KCNG4: variants seen among roughly 807,000 people sequenced by gnomAD.
KCNG4 encodes the protein potassium voltage-gated channel modifier subfamily G member 4.
Under a neutral mutation model 28.2 loss-of-function variants are expected in KCNG4, and 30 were observed. The observed-to-expected ratio is 1.06, with a 90% CI of 0.80 to 1.44. The LOEUF is 1.44. Ranked by LOEUF, KCNG4 falls within the 40% of genes most tolerant of loss-of-function variation. KCNG4 has a pLI of 0.00. For missense variants in KCNG4, 879 were observed against 712.3 expected (o/e 1.23, Z -2.66); for synonymous variants, 375 against 315.5 (o/e 1.19, Z -2.00).
intron 2 of KCNG4, among the ~76,000 whole-genome samples, chr16:84,232,617 G>A (rs2151338990): frequency 6.6e-6 from 1 of 152,226 alleles, no homozygotes; most frequent in African/African-American, 2.4e-5. Context: ...TGAAGCAGGG[G>A]GCTGGGGTGC....
At chr16:84,223,379 T>A (rs1167455043) in intron 2 of KCNG4, among the ~76,000 whole-genome samples, 3 of 152,144 alleles carry the variant, frequency 2.0e-5, no homozygotes, top group Non-Finnish European at 4.4e-5. Context: ...AAGAGAGGAC[T>A]GGACCAGCGC....
At chr16:84,228,284 T>C (rs1281680422) in intron 2 of KCNG4, among the ~76,000 whole-genome samples, 1 of 152,170 alleles carries the variant, frequency 6.6e-6, no homozygotes, top group Non-Finnish European at 1.5e-5. Context: ...CAGCCCCACT[T>C]CAGAACGTGG....
Position 84,222,188 on chromosome 16 carries a change from G to T in KCNG4, c.*29C>A, listed in dbSNP as rs1226621623. On this transcript the variant is annotated 3_prime_UTR_variant, in exon 3 of 3. Coordinates refer to ENST00000308251, the MANE Select transcript of KCNG4 (RefSeq NM_172347.3). ...GTTTCAGGCAGGGTGATGGGTTGAG[G>T]TTACCATGTAGTCATGGGGGGTGCT... 6.8e-6 allele frequency: 11 copies of T among 1,607,368 alleles called. No homozygotes were observed. Among genetic ancestry groups the T allele is most frequent in the Non-Finnish European group, 7.7e-6 (9 of 1,175,246 alleles).
chr16:84,232,022 A>AT (rs1449758079), intron 2 of KCNG4, among the ~76,000 whole-genome samples: 9 of 151,352 alleles, frequency 5.9e-5, no homozygotes, highest in African/African-American at 2.2e-4. Context: ...AAAAAAAAAA[A>AT]AGAGTCAGGA....
intron 2 of KCNG4, among the ~76,000 whole-genome samples, chr16:84,224,670 G>A (rs1904657568): frequency 6.6e-6 from 1 of 152,230 alleles, no homozygotes; most frequent in Non-Finnish European, 1.5e-5. Context: ...GTCCAGGGCA[G>A]GGCACCTTTC....
rs199821293 is a variant in KCNG4 at position 84,222,420 on chromosome 16, T to C, written c.1357A>G (p.Ile453Val). 7.7e-5 allele frequency: 124 copies of C among 1,613,996 alleles called. 1 individual carries two copies. Among genetic ancestry groups the C allele is most frequent in the Non-Finnish European group, 1.0e-4 (119 of 1,180,018 alleles). The change falls in exon 3 of 3, where the codon ATC (isoleucine) becomes GTC (valine). Residue 453 changes from isoleucine to valine, a missense_variant. Transcript: ENST00000308251. ...TAGGAGTGGGAGAAGGTGTGGAAGA[T>C]AGACGTGGCCGGGAAGGCCATGATG... is the stretch of plus-strand genomic sequence containing the variant. ...ILIMAFPATS[I>V]FHTFSHSYLE...
At chr16:84,229,289 T>C (rs1904770702) in intron 2 of KCNG4, among the ~76,000 whole-genome samples, 1 of 143,668 alleles carries the variant, frequency 7.0e-6, no homozygotes, top group South Asian at 2.2e-4. Flanking sequence ...CAAGACCCTG[T>C]CTCAAAAAAA....
chr16:84,238,405 C>T (rs1029873693), intron 1 of KCNG4, among the ~76,000 whole-genome samples: 3 of 152,204 alleles, frequency 2.0e-5, no homozygotes, highest in African/African-American at 7.2e-5. Flanking sequence ...CTCGCTTAAT[C>T]CCTCTTGGTC....
intron 2 of KCNG4, chr16:84,236,200 C>G (rs1261969369): frequency 6.5e-6 from 1 of 154,992 alleles, no homozygotes; most frequent in Non-Finnish European, 1.4e-5. Flanking sequence ...CCTCAGTTTC[C>G]TCATCTGAAA....
chr16:84,234,339 AT>A (rs990118223), intron 2 of KCNG4, among the ~76,000 whole-genome samples: 2 of 151,220 alleles, frequency 1.3e-5, no homozygotes, highest in Non-Finnish European at 3.0e-5. Flanking sequence ...CACCTGGCTA[AT>A]TTTTTTTTGT....
chr16:84,228,539 C>T (rs1056853598), intron 2 of KCNG4, among the ~76,000 whole-genome samples: 4 of 152,256 alleles, frequency 2.6e-5, no homozygotes, highest in African/African-American at 9.6e-5. Context: ...CTTTACTCCG[C>T]TCCCATGGGC....
chr16:84,238,836 C>G (rs906272621), intron 1 of KCNG4, among the ~76,000 whole-genome samples: 8 of 152,052 alleles, frequency 5.3e-5, no homozygotes, highest in African/African-American at 1.7e-4. Flanking sequence ...CCATTGCACT[C>G]CAGCCTGGAC....
At chr16:84,228,689 C>T (rs1022382395) in intron 2 of KCNG4, among the ~76,000 whole-genome samples, 5 of 152,174 alleles carry the variant, frequency 3.3e-5, no homozygotes, top group African/African-American at 9.7e-5. Flanking sequence ...TGGAACCAAC[C>T]GGACGGGGTC....
intron 1 of KCNG4, among the ~76,000 whole-genome samples, chr16:84,238,416 G>T (rs555164882): frequency 1.3e-5 from 2 of 152,202 alleles, no homozygotes; most frequent in Non-Finnish European, 2.9e-5. Flanking sequence ...CCTCTTGGTC[G>T]CTTCCCCATT....
At position 84,222,350 on chromosome 16, in the gene KCNG4, C is replaced by A; in HGVS notation, c.1427G>T (p.Arg476Leu). The part of the protein sequence containing the change: ...KEQEQLQARL[R>L]HLQNTGPASE... ...GGCTGGACCGGTGTTTTGGAGGTGG[C>A]GGAGGCGGGCCTGAAGCTGCTCCTG... Residue 476 changes from arginine to leucine, a missense_variant, in exon 3 of 3, where the codon CGC becomes CTC. Physicochemically the swap from Arg to Leu is moderately radical, Grantham distance 102. Coordinates refer to ENST00000308251, the MANE Select transcript of KCNG4 (RefSeq NM_172347.3). 1 of 1,613,968 alleles carries A rather than the reference C, an allele frequency of 6.2e-7. No individual in the cohort carries two copies. Among genetic ancestry groups the A allele is most frequent in the Non-Finnish European group, 8.5e-7 (1 of 1,179,974 alleles).
At chr16:84,234,276 G>T (rs796294542) in intron 2 of KCNG4, among the ~76,000 whole-genome samples, 3 of 152,246 alleles carry the variant, frequency 2.0e-5, no homozygotes, top group African/African-American at 7.2e-5. Context: ...GGGTTCAAGC[G>T]ATTCTCCTGC....
rs765511596 is a variant in KCNG4 at position 84,237,025 on chromosome 16, T to G, written c.461A>C (p.Glu154Ala). The stretch of plus-strand genomic sequence containing the variant: ...CAGGCAGCACCTCTCCAGGTGGGCC[T>G]CCTCGATGCCCCAGTAGGCCAGCTC... ...QEELAYWGIE[E>A]AHLERCCLRK... Residue 154 changes from glutamate (E) to alanine (A), a missense_variant, in exon 2 of 3, where the codon GAG becomes GCG. Transcript: ENST00000308251. The G allele has an allele frequency of 1.2e-6, 2 of 1,613,892 alleles. No individual in the cohort carries two copies. The highest frequency in any genetic ancestry group is 8.5e-7 in the Non-Finnish European group (1 of 1,179,976).
At position 84,237,516 on chromosome 16, in the gene KCNG4, G is replaced by C. The variant is rs967331539; in HGVS notation, c.-31C>G. On this transcript the variant is annotated 5_prime_UTR_variant, in exon 2 of 3. Transcript: ENST00000308251. ...AAGACCACCAGGTAGGAAGCGCTGG[G>C]TTTACCAGTCTGACACCCAAGGGAC... 1.4e-6 allele frequency: 2 copies of C among 1,460,572 alleles called. No individual in the cohort carries two copies. The highest frequency in any genetic ancestry group is 5.0e-5 in the Admixed American group (2 of 39,750). The allele number at this position is 1,460,572 out of a possible 1,614,324, so 90.5% of individuals were successfully genotyped here. A position where few individuals can be genotyped will look rare whatever the true frequency, so the allele number is the denominator to read the frequency against.
chr16:84,222,171 C>T lies in KCNG4; in HGVS notation c.*46G>A, dbSNP rs762488106. 6 of 1,583,422 alleles carry T rather than the reference C, an allele frequency of 3.8e-6. No homozygotes were observed. The African/African-American group carries it at 5.4e-5, about 14-fold the overall frequency. On this transcript the variant is annotated 3_prime_UTR_variant, in exon 3 of 3. Coordinates refer to ENST00000308251, the MANE Select transcript of KCNG4 (RefSeq NM_172347.3). ...GGGGTACCCTTGAGTGTGTTTCAGG[C>T]AGGGTGATGGGTTGAGGTTACCATG...
Sources: allele counts gnomAD v4.1 joint callset (sites outside exome capture counted in the v4.1 genomes callset), GRCh38; gene constraint gnomAD v4.1.1; transcripts MANE v1.5; gene names NCBI Gene and HGNC (gene_info 2026-07-23, HGNC 2026-07-21).